CSNK1D: variants seen among roughly 807,000 people sequenced by gnomAD.
The protein encoded by CSNK1D is casein kinase I isoform delta.
A neutral mutation model predicts 46.6 loss-of-function variants in CSNK1D; 16 were observed. That is an observed-to-expected ratio of 0.34 (90% CI 0.23 to 0.52). The LOEUF (loss-of-function observed/expected upper bound fraction) is 0.52, where lower values mean the gene tolerates loss of function less well. Among genes scored for constraint, CSNK1D ranks in the 20% least tolerant of loss-of-function variants. The pLI, the probability that CSNK1D is intolerant of heterozygous loss-of-function variation, is 0.95. For synonymous variants in CSNK1D, 276 were observed against 228.2 expected (o/e 1.21, Z -1.89); for missense variants, 398 against 578.4 (o/e 0.69, Z 3.20).
rs150432168 is a variant in CSNK1D at position 82,251,885 on chromosome 17, C to T, written c.737-358G>A. The T allele has an allele frequency of 2.2e-3, 748 of 342,794 alleles. 4 individuals carry two copies. The highest frequency in any genetic ancestry group is 0.011 in the African/African-American group (515 of 46,552). 21.2% of individuals were successfully genotyped at this position (342,794 alleles called of 1,614,324 possible). A position where few individuals can be genotyped will look rare whatever the true frequency, so the allele number is the denominator to read the frequency against. Reference sequence around the variant, plus strand: ...GGCGGGCGCCTGTAGTCCCAGCTACCGGGGAGGCTGACGCAGGAGAATGGT... The same window carrying T: ...GGCGGGCGCCTGTAGTCCCAGCTACTGGGGAGGCTGACGCAGGAGAATGGT... On this transcript the variant is annotated intron_variant, in intron 5 of 8. Transcript: ENST00000314028. The surrounding 1 kb of genome is among the most constrained non-coding windows in gnomAD (Gnocchi z 4.5).
rs369431574 is a variant in CSNK1D at position 82,252,642 on chromosome 17, G to A, written c.566-38C>T. On this transcript the variant is annotated intron_variant, in intron 4 of 8. Transcript: ENST00000314028. The surrounding 1 kb of genome is among the most constrained non-coding windows in gnomAD (Gnocchi z 4.6). ...GGGAAAGGCGTGAAGAACGGCACTTGCGTGCTCACGTCAAAGCAAAAGACC... is the reference window on the plus strand; with the variant it reads ...GGGAAAGGCGTGAAGAACGGCACTTACGTGCTCACGTCAAAGCAAAAGACC... 3.8e-5 allele frequency: 61 copies of A among 1,600,106 alleles called. No individual in the cohort carries two copies. The highest frequency in any genetic ancestry group is 4.9e-5 in the Non-Finnish European group (58 of 1,174,318).
rs796485947 is a variant in CSNK1D at position 82,251,708 on chromosome 17, C to T, written c.737-181G>A. 4.9e-5 allele frequency: 35 copies of T among 710,372 alleles called. No individual in the cohort carries two copies. The highest frequency in any genetic ancestry group is 3.5e-4 in the African/African-American group (20 of 57,222). 44.0% of individuals were successfully genotyped at this position (710,372 alleles called of 1,614,324 possible). A position where few individuals can be genotyped will look rare whatever the true frequency, so the allele number is the denominator to read the frequency against. On this transcript the variant is annotated intron_variant, in intron 5 of 8. Coordinates refer to ENST00000314028, the MANE Select transcript of CSNK1D (RefSeq NM_001893.6). The surrounding 1 kb of genome is among the most constrained non-coding windows in gnomAD (Gnocchi z 4.5). ...AAAGCATCGAAAAGTATTCAAGTCA[C>T]GGCCGGGTGCGGCGGCTCACGCCTG...
chr17:82,263,783 C>G (rs1351675338), intron 2 of CSNK1D, among the ~76,000 whole-genome samples: 1 of 152,262 alleles, frequency 6.6e-6, no homozygotes, highest in Non-Finnish European at 1.5e-5. Flanking sequence ...AGGCCAAGGC[C>G]ACACCCCGCA....
In CSNK1D at chr17:82,243,153, A is replaced by G. The variant is rs919854057; in HGVS notation, c.*1628T>C. ...CACAGTAACCAGCCTAGGATTGAGA[A>G]AGCATCCATGGGCTCAGGCAGACGG... On this transcript the variant is annotated 3_prime_UTR_variant, in exon 9 of 9. Coordinates refer to ENST00000314028, the MANE Select transcript of CSNK1D (RefSeq NM_001893.6). 2.0e-6 allele frequency: 2 copies of G among 985,450 alleles called. No individual in the cohort carries two copies. Among genetic ancestry groups the G allele is most frequent in the African/African-American group, 3.5e-5 (2 of 57,232 alleles). 61.0% of individuals were successfully genotyped at this position (985,450 alleles called of 1,614,324 possible).
At chr17:82,246,924 T>TC in intron 8 of CSNK1D, 1 of 985,478 alleles carries the variant, frequency 1.0e-6, no homozygotes, top group Non-Finnish European at 1.2e-6. Context: ...CCTCCTGTAT[T>TC]CCCCCTTGGG....
intron 2 of CSNK1D, among the ~76,000 whole-genome samples, chr17:82,258,432 A>C (rs2051240782): frequency 6.6e-6 from 1 of 152,056 alleles, no homozygotes; most frequent in African/African-American, 2.4e-5. Context: ...TAATCTGAAA[A>C]TCCAAACTGC....
chr17:82,266,126 T>C (rs1423190069), intron 1 of CSNK1D, among the ~76,000 whole-genome samples: 1 of 152,208 alleles, frequency 6.6e-6, no homozygotes, highest in Non-Finnish European at 1.5e-5. Flanking sequence ...CCAAGGCCCC[T>C]GCACTTGCCC....
chr17:82,264,802 T>TTTA (rs1555794849), intron 2 of CSNK1D, among the ~76,000 whole-genome samples: 1 of 150,818 alleles, frequency 6.6e-6, no homozygotes, highest in African/African-American at 2.4e-5. Context: ...AAAATCTTTT[T>TTTA]TTTTTTTTTT....
intron 3 of CSNK1D, chr17:82,254,982 A>C (rs2051134775): frequency 5.9e-6 from 2 of 341,598 alleles, no homozygotes; most frequent in Non-Finnish European, 1.1e-5. Context: ...AGCCTCCAGA[A>C]GCCAGTCAGC....
chr17:82,247,807 A>G (rs751916093), intron 8 of CSNK1D: 3 of 985,456 alleles, frequency 3.0e-6, no homozygotes, highest in Non-Finnish European at 3.6e-6. Context: ...CCACGAAGCC[A>G]AAATCCCTGC....
rs1222939170 is a variant in CSNK1D at position 82,268,171 on chromosome 17, T to TGGGGCCTGCAGCAGGGACCTC, written c.77-2396_77-2376dup. Among the ~76,000 whole-genome samples, 4 of 152,338 alleles carry TGGGGCCTGCAGCAGGGACCTC rather than the reference T, an allele frequency of 2.6e-5. No homozygotes were observed. In the East Asian group the frequency reaches 7.7e-4, roughly 29 times the overall value. On this transcript the variant is annotated intron_variant, in intron 1 of 8. Coordinates refer to ENST00000314028, the MANE Select transcript of CSNK1D (RefSeq NM_001893.6). Reference sequence around the variant, plus strand: ...CACAGATGTGAGGATGGCAACTCTCTGGGGCCTGCAGCAGGGACCTCGTCA... The same window carrying TGGGGCCTGCAGCAGGGACCTC: ...CACAGATGTGAGGATGGCAACTCTCTGGGGCCTGCAGCAGGGACCTCGGGGCCTGCAGCAGGGACCTCGTCA...
chr17:82,254,850 A>T (rs1171037918), intron 3 of CSNK1D, among the ~76,000 whole-genome samples: 2 of 129,008 alleles, frequency 1.6e-5, no homozygotes, highest in African/African-American at 6.2e-5. Flanking sequence ...CGGGGCCTCG[A>T]GAAGCCAGTG....
chr17:82,248,785 A>C lies in CSNK1D; in HGVS notation c.1197+90T>G. On this transcript the variant is annotated intron_variant, in intron 8 of 8. Transcript: ENST00000314028. This position sits in a 1 kb window ranked among gnomAD's most constrained non-coding sequence, Gnocchi z 4.1. ...CTCTCAAAAATGGGGGGAAGAAAGG[A>C]AAGAAGAAGCCCTGGAGAAACCACA... is the stretch of plus-strand genomic sequence containing the variant. 6.5e-7 allele frequency: 1 copy of C among 1,539,078 alleles called. No individual in the cohort carries two copies. Among genetic ancestry groups the C allele is most frequent in the Non-Finnish European group, 8.7e-7 (1 of 1,143,936 alleles).
At chr17:82,261,287 A>C (rs1379913469) in intron 2 of CSNK1D, among the ~76,000 whole-genome samples, 1 of 151,886 alleles carries the variant, frequency 6.6e-6, no homozygotes, top group East Asian at 1.9e-4. Context: ...TGTGCTAGTC[A>C]TCCAGGGCCA....
rs1322355807 is a variant in CSNK1D, at chr17:82,243,648, T to G, written c.*1133A>C. On this transcript the variant is annotated 3_prime_UTR_variant, in exon 9 of 9. Coordinates refer to ENST00000314028, the MANE Select transcript of CSNK1D (RefSeq NM_001893.6). The stretch of plus-strand genomic sequence containing the variant: ...TCACCTGCTCCTTGGCACCTCAGGG[T>G]GGGTCCTTCTGGCCTGCCGGCTTTT... 2 of 985,352 alleles carry G rather than the reference T, an allele frequency of 2.0e-6. No homozygotes were observed. Among genetic ancestry groups the G allele is most frequent in the Admixed American group, 6.1e-5 (1 of 16,266 alleles). 61.0% of individuals were successfully genotyped at this position (985,352 alleles called of 1,614,324 possible). A position where few individuals can be genotyped will look rare whatever the true frequency, so the allele number is the denominator to read the frequency against.
At chr17:82,241,477 C>T (rs1020618731), downstream of CSNK1D, among the ~76,000 whole-genome samples, 22 of 152,240 alleles carry the variant, frequency 1.4e-4, no homozygotes, top group South Asian at 4.1e-4. Context: ...CTCATGCCCC[C>T]GCAGATGAGA....
chr17:82,269,798 C>A (rs2051572477), intron 1 of CSNK1D, among the ~76,000 whole-genome samples: 1 of 152,262 alleles, frequency 6.6e-6, no homozygotes, highest in Non-Finnish European at 1.5e-5. Context: ...GCAGGCCTCT[C>A]CCTCTAGCCT....
In CSNK1D at chr17:82,243,117, C is replaced by CA; in HGVS notation, c.*1663dup. 1 of 985,504 alleles carries CA rather than the reference C, an allele frequency of 1.0e-6. No homozygotes were observed. The highest frequency in any genetic ancestry group is 1.2e-6 in the Non-Finnish European group (1 of 829,986). 61.0% of individuals were successfully genotyped at this position (985,504 alleles called of 1,614,324 possible). On this transcript the variant is annotated 3_prime_UTR_variant, in exon 9 of 9. Coordinates refer to ENST00000314028, the MANE Select transcript of CSNK1D (RefSeq NM_001893.6). ...CCCACCCGCTCAAGGCCCCGTACTC[C>CA]AAAACGCTTACACAGTAACCAGCCT...
rs924708949 is a variant in CSNK1D, at chr17:82,267,417, C to T, written c.77-1621G>A. Among the ~76,000 whole-genome samples the T allele has an allele frequency of 2.0e-5, 3 of 152,318 alleles. No homozygotes were observed. In the East Asian group the frequency reaches 5.8e-4, roughly 29 times the overall value. Reference sequence around the variant, plus strand: ...CGTCCACTGAACACCCAGGAAGCCCCTCGTCTGCCCAGATGGCGGCATGAG... The same window carrying T: ...CGTCCACTGAACACCCAGGAAGCCCTTCGTCTGCCCAGATGGCGGCATGAG... On this transcript the variant is annotated intron_variant, in intron 1 of 8. Coordinates refer to ENST00000314028, the MANE Select transcript of CSNK1D (RefSeq NM_001893.6).
Sources: allele counts gnomAD v4.1 joint callset (sites outside exome capture counted in the v4.1 genomes callset), GRCh38; gene constraint gnomAD v4.1.1; non-coding constraint Gnocchi (gnomAD v3.1); transcripts MANE v1.5; gene names NCBI Gene and HGNC (gene_info 2026-07-23, HGNC 2026-07-21).